The following OR14I1 variants were observed in gnomAD, a reference collection of about 807,000 sequenced individuals.
OR14I1 encodes olfactory receptor 14I1.
For synonymous variants in OR14I1, 118 were observed against 71.1 expected, an observed-to-expected ratio of 1.66 and a Z score of -3.32; for missense variants, 279 against 181.8, an observed-to-expected ratio of 1.53 and a Z score of -3.07.
downstream of OR14I1, chr1:248,681,234 C>A (rs906172131): frequency 2.8e-5 from 16 of 566,468 alleles, no homozygotes; most frequent in Non-Finnish European, 4.3e-5. Context: ...TATTGTCTTT[C>A]TCCCATTCAA....
chr1:248,699,752 T>TTTTGTTTG, the OR14I1 span, among the ~76,000 whole-genome samples: 222 of 151,520 alleles, frequency 1.5e-3, 1 homozygote, highest in African/African-American at 5.1e-3. Flanking sequence ...CTACTTTTTG[T>TTTTGTTTG]TTTGTTTGTT....
the OR14I1 span, chr1:248,691,739 C>A: frequency 1.3e-5 from 2 of 152,412 alleles, no homozygotes; most frequent in African/African-American, 4.8e-5. Flanking sequence ...CCGACGCATG[C>A]GCAGTGCCCT....
At chr1:248,681,226 T>C (rs1206004057), downstream of OR14I1, 1 of 562,976 alleles carries the variant, frequency 1.8e-6, no homozygotes, top group Non-Finnish European at 3.1e-6. Context: ...AGTGCAAATA[T>C]TGTCTTTCTC....
the OR14I1 span, among the ~76,000 whole-genome samples, chr1:248,690,600 C>CAAAAAAAAAAA: frequency 5.8e-5 from 3 of 51,522 alleles, 1 homozygote; most frequent in Admixed American, 7.0e-4. Flanking sequence ...GTCTACCAAC[C>CAAAAAAAAAAA]AAAAAAAAAA....
chr1:248,702,614 T>TAGTC, the OR14I1 span, among the ~76,000 whole-genome samples: 1 of 152,142 alleles, frequency 6.6e-6, no homozygotes, highest in South Asian at 2.1e-4. Context: ...CTTCCAGCCT[T>TAGTC]AGTCCCCTAG....
At chr1:248,684,201 G>T (rs2103134102), upstream of OR14I1, among the ~76,000 whole-genome samples, 1 of 152,334 alleles carries the variant, frequency 6.6e-6, no homozygotes, top group East Asian at 1.9e-4. Flanking sequence ...CAGAAAACTG[G>T]AAAGCTAATG....
At chr1:248,681,075 T>C (rs1661550032), downstream of OR14I1, among the ~76,000 whole-genome samples, 1 of 151,568 alleles carries the variant, frequency 6.6e-6, no homozygotes, top group African/African-American at 2.4e-5. Flanking sequence ...TTAAAGCAGT[T>C]CGAACATGTG....
the OR14I1 span, among the ~76,000 whole-genome samples, chr1:248,701,538 A>G: frequency 6.6e-6 from 1 of 152,208 alleles, no homozygotes. Context: ...AAAACATTAA[A>G]ACACTCTTGG....
chr1:248,701,757 C>T, the OR14I1 span, among the ~76,000 whole-genome samples: 1 of 152,144 alleles, frequency 6.6e-6, no homozygotes, highest in Non-Finnish European at 1.5e-5. Context: ...CCTTCATTCC[C>T]CTTGCTCCCC....
chr1:248,688,862 T>C, the OR14I1 span, among the ~76,000 whole-genome samples: 1 of 152,250 alleles, frequency 6.6e-6, no homozygotes. Flanking sequence ...ATGATTCAAC[T>C]GTCAGTCAGA....
the OR14I1 span, among the ~76,000 whole-genome samples, chr1:248,693,099 G>A: frequency 6.6e-6 from 1 of 152,182 alleles, no homozygotes; most frequent in Admixed American, 6.5e-5. Flanking sequence ...TCTGCTTATC[G>A]GGAGGAGTCA....
At chr1:248,680,490 C>G (rs1661539474), downstream of OR14I1, among the ~76,000 whole-genome samples, 2 of 152,142 alleles carry the variant, frequency 1.3e-5, no homozygotes, top group Admixed American at 6.5e-5. Context: ...AAGTGAAAAT[C>G]AGGAATAGCC....
At chr1:248,686,539 T>A (rs1441116173), upstream of OR14I1, among the ~76,000 whole-genome samples, 1 of 152,150 alleles carries the variant, frequency 6.6e-6, no homozygotes, top group Non-Finnish European at 1.5e-5. Flanking sequence ...CAAAACTGAT[T>A]AAAATGATAA....
At chr1:248,692,073 G>C in the OR14I1 span, 2 of 152,378 alleles carry the variant, frequency 1.3e-5, no homozygotes, top group African/African-American at 4.8e-5. Flanking sequence ...CGGCCGCCTG[G>C]GCGTGTCCCT....
Position 248,682,200 on chromosome 1 carries a change from TGCCAGA to T in OR14I1, c.99_104del (p.Tyr33_Ala35delinsTer). 1.3e-6 allele frequency: 1 copy of T among 781,038 alleles called. No individual in the cohort carries two copies. The allele number at this position is 781,038 out of a possible 1,614,324, so 48.4% of individuals were successfully genotyped here. ...TGATGAGCAGGTTCCCCACCAGCAC[TGCCAGA>T]TAAATCAGCAGAAACAGCCCGGCGT... On this transcript the variant is annotated stop_gained and inframe_deletion, in exon 1 of 1. Coordinates refer to ENST00000342623, the Ensembl canonical transcript of OR14I1. LOFTEE classifies it low-confidence loss of function (END_TRUNC).
At chr1:248,687,569 T>C in the OR14I1 span, among the ~76,000 whole-genome samples, 1 of 152,218 alleles carries the variant, frequency 6.6e-6, no homozygotes, top group African/African-American at 2.4e-5. Flanking sequence ...ATCATTTCAT[T>C]TTTCAAATGA....
the OR14I1 span, among the ~76,000 whole-genome samples, chr1:248,702,498 A>G: frequency 6.6e-6 from 1 of 152,162 alleles, no homozygotes; most frequent in Non-Finnish European, 1.5e-5. Flanking sequence ...ATCTACTTTC[A>G]GAGTATCTTT....
the OR14I1 span, among the ~76,000 whole-genome samples, chr1:248,694,725 C>G: frequency 6.6e-6 from 1 of 152,196 alleles, no homozygotes; most frequent in East Asian, 1.9e-4. Flanking sequence ...TGACCTTGTA[C>G]AAATGCATGT....
chr1:248,693,081 G>A, the OR14I1 span, among the ~76,000 whole-genome samples: 1 of 152,182 alleles, frequency 6.6e-6, no homozygotes, highest in Admixed American at 6.5e-5. Flanking sequence ...GAAGTAAGAT[G>A]TTCTGGGTCT....
Sources: allele counts gnomAD v4.1 joint callset (sites outside exome capture counted in the v4.1 genomes callset), GRCh38; gene constraint gnomAD v4.1.1; transcripts MANE v1.5; gene names NCBI Gene and HGNC (gene_info 2026-07-23, HGNC 2026-07-21).